CYP24A1: variants seen among roughly 807,000 people sequenced by gnomAD.
The protein encoded by CYP24A1 is cytochrome P450 family 24 subfamily A member 1, also known as 1,25-dihydroxyvitamin D(3) 24-hydroxylase, mitochondrial.
A neutral mutation model predicts 62.4 loss-of-function variants in CYP24A1; 68 were observed. The ratio of observed to expected loss-of-function variants is 1.09; its 90% CI spans 0.90 to 1.33. The LOEUF is 1.33. Among genes scored for constraint, CYP24A1 ranks in the 40% most tolerant of loss-of-function variants. CYP24A1 has a pLI of 0.00. For synonymous variants in CYP24A1, 267 were observed against 253.0 expected (o/e 1.06, Z -0.52); for missense variants, 787 against 653.0 (o/e 1.21, Z -2.24).
downstream of CYP24A1, among the ~76,000 whole-genome samples, chr20:54,152,067 C>A (rs940096270): frequency 1.3e-5 from 2 of 152,190 alleles, no homozygotes; most frequent in Non-Finnish European, 2.9e-5. Flanking sequence ...AGGTGAGGGG[C>A]AGCAGACGTG....
chr20:54,164,693 C>T, intron 5 of CYP24A1, 130 bp from the exon 6 acceptor site: 2 of 1,540,002 alleles, frequency 1.3e-6, no homozygotes, highest in South Asian at 1.2e-5. Context: ...CAAGGACACC[C>T]CCGGCTCTCT....
chr20:54,143,869 A>G, the CYP24A1 span, among the ~76,000 whole-genome samples: 1 of 152,230 alleles, frequency 6.6e-6, no homozygotes, highest in Non-Finnish European at 1.5e-5. Flanking sequence ...AAACTTCTAC[A>G]ATTATAGATG....
At position 54,171,673 on chromosome 20, in the gene CYP24A1, G is replaced by A. The variant is rs1568975186; in HGVS notation, c.450-3C>T. Reference sequence around the variant, plus strand: ...CCCGCTGCCAGTCTTCCCCTTCCCTGTGAGAGAAGCAGGAATACATTTAGA... The same window carrying A: ...CCCGCTGCCAGTCTTCCCCTTCCCTATGAGAGAAGCAGGAATACATTTAGA... On this transcript the variant is annotated splice_polypyrimidine_tract_variant and splice_region_variant and intron_variant, in intron 2 of 11. Coordinates refer to ENST00000216862, the MANE Select transcript of CYP24A1 (RefSeq NM_000782.5). 5.0e-6 allele frequency: 8 copies of A among 1,613,862 alleles called. No homozygotes were observed. Among genetic ancestry groups the A allele is most frequent in the South Asian group, 1.1e-5 (1 of 91,062 alleles).
At chr20:54,157,630 G>T in intron 9 of CYP24A1, 45 bp from the exon 10 acceptor site, 1 of 1,188,022 alleles carries the variant, frequency 8.4e-7, no homozygotes, top group Non-Finnish European at 1.3e-6. Flanking sequence ...AACCAGAAGA[G>T]ACCTTTGAAT....
downstream of CYP24A1, among the ~76,000 whole-genome samples, chr20:54,151,835 G>A (rs575185870): frequency 3.3e-4 from 51 of 152,290 alleles, no homozygotes; most frequent in Non-Finnish European, 4.4e-4. Flanking sequence ...TACTAACTGT[G>A]ATTCTAAGGA....
At chr20:54,171,768 C>T in intron 2 of CYP24A1, 98 bp from the exon 3 acceptor site, 1 of 1,606,680 alleles carries the variant, frequency 6.2e-7, no homozygotes, top group South Asian at 1.1e-5. Flanking sequence ...TAAAATCAAA[C>T]AAACACTGAG....
At chr20:54,144,553 C>A in the CYP24A1 span, among the ~76,000 whole-genome samples, 1 of 151,274 alleles carries the variant, frequency 6.6e-6, no homozygotes, top group Non-Finnish European at 1.5e-5. Context: ...CCACACCTGG[C>A]CTTAAAATTA....
chr20:54,162,520 G>A, intron 7 of CYP24A1, 197 bp downstream of exon 7: 1 of 593,080 alleles, frequency 1.7e-6, no homozygotes, highest in Non-Finnish European at 3.0e-6. Context: ...TCTGGTATGA[G>A]GCCGTGCGCT....
intron 3 of CYP24A1, 58 bp from the exon 4 acceptor site, chr20:54,169,746 T>G (rs555274529): frequency 9.4e-5 from 151 of 1,610,064 alleles, no homozygotes; most frequent in Non-Finnish European, 1.2e-4. Flanking sequence ...AAAACAAAAC[T>G]TTAAAGCTCA....
intron 5 of CYP24A1, 116 bp from the exon 6 acceptor site, chr20:54,164,679 A>G: frequency 1.9e-6 from 3 of 1,576,274 alleles, no homozygotes; most frequent in Non-Finnish European, 2.6e-6. Flanking sequence ...AAAGGCTGGA[A>G]TTACAAGGAC....
At position 54,172,999 on chromosome 20, in the gene CYP24A1, C is replaced by T. The variant is rs114476330; in HGVS notation, c.359G>A (p.Arg120His). Residue 120 changes from arginine to histidine, a missense_variant, in exon 2 of 12, where the codon CGC becomes CAC. By Grantham distance (29) the Arg-to-His change is conservative. Coordinates refer to ENST00000216862, the MANE Select transcript of CYP24A1 (RefSeq NM_000782.5). ...GSPCLLEALY[R>H]TESAYPQRLE... ...CCGCTGCGGGTACGCGCTCTCGGTG[C>T]GGTACAGCGCTTCCAGCAGGCATGG... 144 of 1,612,124 alleles carry T rather than the reference C, an allele frequency of 8.9e-5. 1 individual carries two copies. In the East Asian group the frequency reaches 1.0e-3, roughly 12 times the overall value.
downstream of CYP24A1, among the ~76,000 whole-genome samples, chr20:54,152,855 G>T (rs1237336936): frequency 2.6e-5 from 4 of 152,186 alleles, no homozygotes; most frequent in Admixed American, 1.3e-4. Context: ...AGGCAAGTGT[G>T]CAAAGAACAG....
intron 6 of CYP24A1, among the ~76,000 whole-genome samples, chr20:54,163,165 A>G (rs2092659079): frequency 6.6e-6 from 1 of 152,142 alleles, no homozygotes; most frequent in Admixed American, 6.5e-5. Context: ...ATTCCTAATA[A>G]GCTTCTAGGT....
At chr20:54,162,968 C>G in intron 6 of CYP24A1, 106 bp from the exon 7 acceptor site, 1 of 759,532 alleles carries the variant, frequency 1.3e-6, no homozygotes, top group Non-Finnish European at 2.4e-6. Flanking sequence ...TCTAAATAGT[C>G]TTTTCAGGAA....
Position 54,157,095 on chromosome 20 carries a change from T to A in CYP24A1, c.*10+74A>T, listed in dbSNP as rs6097810. On this transcript the variant is annotated intron_variant, in intron 11 of 11. Transcript: ENST00000216862. Reference sequence around the variant, plus strand: ...GCTGGGATTCAAACCCCAGTCTGGCTGACTTCCCAGCATAGCTCATCCCTC... The same window carrying A: ...GCTGGGATTCAAACCCCAGTCTGGCAGACTTCCCAGCATAGCTCATCCCTC... The A allele has an allele frequency of 5.6e-5, 44 of 787,952 alleles. No individual in the cohort carries two copies. In the East Asian group the frequency reaches 1.1e-3, roughly 21 times the overall value. 48.8% of individuals were successfully genotyped at this position (787,952 alleles called of 1,614,324 possible).
chr20:54,161,699 A>C (rs1475270659), intron 7 of CYP24A1, among the ~76,000 whole-genome samples: 6 of 152,262 alleles, frequency 3.9e-5, no homozygotes, highest in Middle Eastern at 3.4e-3. Context: ...AATGGGTGAC[A>C]CTGTACTTTG....
At chr20:54,168,967 G>A (rs913754679) in intron 4 of CYP24A1, among the ~76,000 whole-genome samples, 2 of 151,150 alleles carry the variant, frequency 1.3e-5, no homozygotes, top group African/African-American at 2.4e-5. Context: ...GTACAATCAC[G>A]GCTCACTTTA....
downstream of CYP24A1, among the ~76,000 whole-genome samples, chr20:54,153,161 C>G (rs190578061): frequency 1.4e-4 from 21 of 152,292 alleles, no homozygotes; most frequent in South Asian, 2.3e-3. Flanking sequence ...TTCTACCCCC[C>G]TTTCAATCAC....
At position 54,173,073 on chromosome 20, in the gene CYP24A1, C is replaced by T. The variant is rs1454544774; in HGVS notation, c.285G>A (p.Lys95=). 1 of 1,604,784 alleles carries T rather than the reference C, an allele frequency of 6.2e-7. No homozygotes were observed. The highest frequency in any genetic ancestry group is 1.3e-5 in the African/African-American group (1 of 74,956). Residue 95 remains lysine (K), a synonymous_variant, in exon 2 of 12, where the codon AAG becomes AAA. Coordinates refer to ENST00000216862, the MANE Select transcript of CYP24A1 (RefSeq NM_000782.5). The surrounding 1 kb of genome is among the most constrained non-coding windows in gnomAD (Gnocchi z 7.2). ...AGGAACCCAACTTCATGCGGAAAAT[C>T]TTGCCATACTTCTTGTGGTACTCCA... ...TLVEYHKKYG[K]IFRMKLGSFE...
Sources: gnomAD v4.1 joint callset for allele counts (sites outside exome capture counted in the v4.1 genomes callset) on GRCh38, gnomAD v4.1.1 for gene constraint, Gnocchi (gnomAD v3.1) non-coding constraint, MANE v1.5 for transcripts, NCBI Gene and HGNC (gene_info 2026-07-23, HGNC 2026-07-21) for gene names.